SCD5: variants seen among roughly 807,000 people sequenced by gnomAD.
The protein encoded by SCD5 is stearoyl-CoA desaturase 5, also known as acyl-CoA-desaturase 4.
A neutral mutation model predicts 30.4 loss-of-function variants in SCD5; 20 were observed. The observed-to-expected ratio is 0.66, with a 90% CI of 0.46 to 0.96. The LOEUF is 0.96. Among genes scored for constraint, SCD5 ranks in the 40% least tolerant of loss-of-function variants. The probability of loss-of-function intolerance (pLI) is 0.00; values close to 1 mark genes in which losing one functional copy is unlikely to be tolerated. For missense variants in SCD5, 381 were observed against 443.3 expected, an observed-to-expected ratio of 0.86 and a Z score of 1.26; for synonymous variants, 173 against 176.4, an observed-to-expected ratio of 0.98 and a Z score of 0.16.
chr4:82,777,451 G>A (rs188236299), intron 1 of SCD5, among the ~76,000 whole-genome samples: 2 of 152,324 alleles, frequency 1.3e-5, no homozygotes, highest in East Asian at 1.9e-4. Flanking sequence ...TGGGAAACAG[G>A]TGCTGAAAAC....
chr4:82,789,231 C>T (rs528383605), intron 1 of SCD5, among the ~76,000 whole-genome samples: 6 of 152,218 alleles, frequency 3.9e-5, no homozygotes, highest in African/African-American at 9.6e-5. Context: ...TTGCTGCTGC[C>T]GGCTGAAAGA....
chr4:82,703,805 T>G (rs1418644265), intron 2 of SCD5, among the ~76,000 whole-genome samples: 2 of 152,208 alleles, frequency 1.3e-5, no homozygotes, highest in Non-Finnish European at 2.9e-5. Context: ...AAGAAAGGAT[T>G]GCTTGAACAC....
At chr4:82,639,711 A>AC (rs1727502909) in intron 3 of SCD5, among the ~76,000 whole-genome samples, 1 of 152,242 alleles carries the variant, frequency 6.6e-6, no homozygotes, top group Admixed American at 6.5e-5. Flanking sequence ...TGGAAGAGGC[A>AC]CCCAGAGCCT....
At chr4:82,783,139 T>C (rs1431019678) in intron 1 of SCD5, among the ~76,000 whole-genome samples, 2 of 152,230 alleles carry the variant, frequency 1.3e-5, no homozygotes, top group African/African-American at 2.4e-5. Flanking sequence ...ATGACTCCGA[T>C]GCAGACGGCC....
chr4:82,645,986 G>T (rs1053560548), intron 3 of SCD5, among the ~76,000 whole-genome samples: 1 of 152,178 alleles, frequency 6.6e-6, no homozygotes, highest in South Asian at 2.1e-4. Flanking sequence ...TCCAGAGCTG[G>T]TGGTGTGTGA....
intron 1 of SCD5, among the ~76,000 whole-genome samples, chr4:82,788,427 G>A (rs913042122): frequency 3.9e-5 from 6 of 152,132 alleles, no homozygotes; most frequent in South Asian, 2.1e-4. Context: ...GTCTCGCTCC[G>A]TCACCCAGGC....
intron 1 of SCD5, among the ~76,000 whole-genome samples, chr4:82,764,949 A>T (rs865997444): frequency 3.3e-5 from 5 of 151,862 alleles, no homozygotes; most frequent in South Asian, 2.1e-4. Context: ...CTAGTCTCAA[A>T]CTCCTGATCT....
At chr4:82,732,134 T>G (rs77472726) in intron 1 of SCD5, among the ~76,000 whole-genome samples, 1 of 152,134 alleles carries the variant, frequency 6.6e-6, no homozygotes, top group Admixed American at 6.6e-5. Flanking sequence ...GGAGTCTTGC[T>G]CTGTCACCCA....
At chr4:82,762,294 C>T (rs1721391543) in intron 1 of SCD5, among the ~76,000 whole-genome samples, 1 of 151,448 alleles carries the variant, frequency 6.6e-6, no homozygotes, top group African/African-American at 2.4e-5. Context: ...ACTCTGTTGC[C>T]CAGGCTGGTG....
intron 3 of SCD5, among the ~76,000 whole-genome samples, chr4:82,652,294 G>A (rs1459626987): frequency 6.6e-6 from 1 of 152,170 alleles, no homozygotes; most frequent in African/African-American, 2.4e-5. Flanking sequence ...GTTTTATGCA[G>A]GAGACAGCTC....
At chr4:82,680,588 G>T (rs1728545788) in intron 3 of SCD5, 119 bp downstream of exon 3, 3 of 893,148 alleles carry the variant, frequency 3.4e-6, no homozygotes, top group Non-Finnish European at 5.2e-6. Context: ...TATAAATATG[G>T]CAAAATTGTT....
At chr4:82,720,645 C>T (rs1304311066) in intron 1 of SCD5, among the ~76,000 whole-genome samples, 1 of 152,024 alleles carries the variant, frequency 6.6e-6, no homozygotes, top group Non-Finnish European at 1.5e-5. Context: ...TTGAGCACTG[C>T]CCCAACCCTC....
At position 82,743,433 on chromosome 4, in the gene SCD5, T is replaced by C. The variant is rs187556221; in HGVS notation, c.233-38020A>G. Among the ~76,000 whole-genome samples the C allele has an allele frequency of 3.3e-4, 50 of 152,288 alleles. 1 individual carries two copies. Among genetic ancestry groups the C allele is most frequent in the Admixed American group, 2.3e-3 (35 of 15,302 alleles). ...CAGGAGGGTGAGGCAGGAGGATCTC[T>C]TGAGCCCAGGAGGTCAAGGCTGCAG... On this transcript the variant is annotated intron_variant, in intron 1 of 4. Coordinates refer to ENST00000319540, the MANE Select transcript of SCD5 (RefSeq NM_001037582.3).
intron 1 of SCD5, among the ~76,000 whole-genome samples, chr4:82,730,239 A>ATAT (rs1720598739): frequency 6.8e-6 from 1 of 146,406 alleles, no homozygotes; most frequent in African/African-American, 2.5e-5. Context: ...TATAATATTT[A>ATAT]AAAACATATA....
intron 2 of SCD5, among the ~76,000 whole-genome samples, chr4:82,688,878 A>G (rs1728769063): frequency 6.6e-6 from 1 of 152,262 alleles, no homozygotes; most frequent in Non-Finnish European, 1.5e-5. Flanking sequence ...CACTTTTAAA[A>G]AACCACATAT....
chr4:82,663,589 T>C (rs1728072648), intron 3 of SCD5, among the ~76,000 whole-genome samples: 1 of 152,212 alleles, frequency 6.6e-6, no homozygotes. Flanking sequence ...CAATCAGACC[T>C]TGGTGATGAC....
chr4:82,641,551 T>C (rs530704385), intron 3 of SCD5, among the ~76,000 whole-genome samples: 2 of 152,116 alleles, frequency 1.3e-5, no homozygotes, highest in Admixed American at 6.5e-5. Context: ...AAGTGAGAAG[T>C]TAGCCATTTG....
chr4:82,781,522 G>A (rs537732591), intron 1 of SCD5, among the ~76,000 whole-genome samples: 62 of 152,280 alleles, frequency 4.1e-4, no homozygotes, highest in African/African-American at 1.4e-3. Flanking sequence ...ATCCACTTGG[G>A]TTATGCTGTG....
chr4:82,724,097 A>C (rs975356676), intron 1 of SCD5, among the ~76,000 whole-genome samples: 1 of 152,258 alleles, frequency 6.6e-6, no homozygotes, highest in Non-Finnish European at 1.5e-5. Context: ...GCAAATGTTA[A>C]TAATTATTGA....
Sources: gnomAD v4.1 joint callset for allele counts (sites outside exome capture counted in the v4.1 genomes callset) on GRCh38, gnomAD v4.1.1 for gene constraint, MANE v1.5 for transcripts, NCBI Gene and HGNC (gene_info 2026-07-23, HGNC 2026-07-21) for gene names.